MNS1: variants seen among roughly 807,000 people sequenced by gnomAD.
The protein encoded by MNS1 is meiosis specific nuclear structural 1.
A neutral mutation model predicts 72.0 loss-of-function variants in MNS1; 63 were observed. That is an observed-to-expected ratio of 0.87 (90% CI 0.71 to 1.08). The LOEUF is 1.08. Ranked by LOEUF, MNS1 falls within the 50% of genes least tolerant of loss-of-function variation. The probability of loss-of-function intolerance (pLI) is 0.00; values close to 1 mark genes in which losing one functional copy is unlikely to be tolerated. For synonymous variants in MNS1, 188 were observed against 172.1 expected (o/e 1.09, Z -0.72); for missense variants, 604 against 562.4 (o/e 1.07, Z -0.75).
chr15:56,458,396 G>A (rs1483828632), intron 2 of MNS1, among the ~76,000 whole-genome samples: 2 of 152,068 alleles, frequency 1.3e-5, no homozygotes, highest in African/African-American at 4.8e-5. Flanking sequence ...CCTTCTATCA[G>A]CCTCCTCCAT....
At chr15:56,462,394 C>G (rs748480489) in intron 2 of MNS1, among the ~76,000 whole-genome samples, 1 of 152,138 alleles carries the variant, frequency 6.6e-6, no homozygotes, top group Non-Finnish European at 1.5e-5. Context: ...CTCATGTGTT[C>G]CCTGTTGTGA....
At chr15:56,448,918 T>C (rs1281469943) in intron 3 of MNS1, among the ~76,000 whole-genome samples, 2 of 151,980 alleles carry the variant, frequency 1.3e-5, no homozygotes, top group African/African-American at 4.8e-5. Flanking sequence ...CATGCCCGGT[T>C]AATTTTTTGT....
chr15:56,464,706 A>C (rs1292805942), intron 1 of MNS1, among the ~76,000 whole-genome samples: 1 of 152,038 alleles, frequency 6.6e-6, no homozygotes, highest in African/African-American at 2.4e-5. Flanking sequence ...TTTCTCCTAC[A>C]CTTTTATATC....
intron 8 of MNS1, among the ~76,000 whole-genome samples, chr15:56,431,728 A>G (rs1489465678): frequency 6.6e-6 from 1 of 152,036 alleles, no homozygotes. Flanking sequence ...GAGGCAAACA[A>G]ATATTTTCAG....
intron 9 of MNS1, chr15:56,430,034 T>A (rs2050531437): frequency 1.3e-5 from 2 of 152,218 alleles, no homozygotes; most frequent in South Asian, 4.1e-4. Context: ...TCAAGTCCTG[T>A]GGCCAGGCAG....
intron 3 of MNS1, among the ~76,000 whole-genome samples, chr15:56,454,876 G>A (rs1381766955): frequency 1.3e-5 from 2 of 151,996 alleles, no homozygotes; most frequent in African/African-American, 4.8e-5. Flanking sequence ...CCCTTAATCT[G>A]TGTCTAATAA....
At chr15:56,436,830 C>A (rs564280654) in intron 7 of MNS1, among the ~76,000 whole-genome samples, 1 of 152,092 alleles carries the variant, frequency 6.6e-6, no homozygotes, top group African/African-American at 2.4e-5. Context: ...AACACCTCTA[C>A]GCAAATAAAC....
Position 56,431,355 on chromosome 15 carries a change from G to T in MNS1, c.1395+18C>A, listed in dbSNP as rs760539416. The T allele has an allele frequency of 1.2e-6, 2 of 1,607,448 alleles. No homozygotes were observed. Among genetic ancestry groups the T allele is most frequent in the African/African-American group, 1.3e-5 (1 of 74,534 alleles). On this transcript the variant is annotated intron_variant, in intron 9 of 9. Coordinates refer to ENST00000260453, the MANE Select transcript of MNS1 (RefSeq NM_018365.4). ...TTACAGGTCATGAAGATTACAACTT[G>T]AGATAAATCTCACTTACTTTAGGGA...
At chr15:56,453,635 T>C (rs1406390651) in intron 3 of MNS1, among the ~76,000 whole-genome samples, 2 of 152,196 alleles carry the variant, frequency 1.3e-5, no homozygotes, top group African/African-American at 4.8e-5. Context: ...TACATTTAGT[T>C]AATTGGGCAA....
At chr15:56,451,410 T>C (rs748867385) in intron 3 of MNS1, among the ~76,000 whole-genome samples, 35 of 152,308 alleles carry the variant, frequency 2.3e-4, no homozygotes, top group Non-Finnish European at 5.0e-4. Context: ...TGTTTCAGCA[T>C]TTGCTTGATT....
At chr15:56,455,913 G>C (rs1477695368) in intron 3 of MNS1, among the ~76,000 whole-genome samples, 1 of 152,134 alleles carries the variant, frequency 6.6e-6, no homozygotes, top group African/African-American at 2.4e-5. Context: ...GACATCTAAA[G>C]AAGACAGATG....
Position 56,431,406 on chromosome 15 carries a change from C to G in MNS1, c.1362G>C (p.Glu454Asp). The part of the protein sequence containing the change: ...IEEERLKLLK[E>D]HATNLLGYLP... ...GATAGCCTAGTAAGTTTGTAGCATG[C>G]TCTTTAAGAAGTTTTAGCCTTTCTT... Residue 454 changes from glutamate to aspartate, a missense_variant, in exon 9 of 10, where the codon GAG becomes GAC. Transcript: ENST00000260453. 6.2e-7 allele frequency: 1 copy of G among 1,613,324 alleles called. No homozygotes were observed. Among genetic ancestry groups the G allele is most frequent in the Non-Finnish European group, 8.5e-7 (1 of 1,179,824 alleles).
chr15:56,447,046 A>G (rs2050910585), intron 3 of MNS1, 103 bp from the exon 4 acceptor site: 4 of 739,062 alleles, frequency 5.4e-6, no homozygotes, highest in Non-Finnish European at 8.9e-6. Context: ...CAAAGAGGGA[A>G]TACAGCGGGT....
intron 2 of MNS1, among the ~76,000 whole-genome samples, chr15:56,457,815 TAA>T (rs1350685968): frequency 2.1e-5 from 3 of 140,676 alleles, no homozygotes; most frequent in Non-Finnish European, 1.6e-5. Flanking sequence ...CCCTGTCTCT[TAA>T]AAAAAAAAAA....
At chr15:56,443,338 TG>T in intron 7 of MNS1, 91 bp downstream of exon 7, 1 of 896,166 alleles carries the variant, frequency 1.1e-6, no homozygotes, top group Non-Finnish European at 1.6e-6. Context: ...ATTACCAGTA[TG>T]GTTGGATTTA....
intron 7 of MNS1, among the ~76,000 whole-genome samples, chr15:56,436,525 C>A (rs142629574): frequency 0.073 from 11,052 of 151,862 alleles, 1,378 homozygotes; most frequent in African/African-American, 0.25. Context: ...AAATTGACAC[C>A]CTAACATCAC....
At chr15:56,459,854 G>T (rs907866140) in intron 2 of MNS1, among the ~76,000 whole-genome samples, 1 of 150,526 alleles carries the variant, frequency 6.6e-6, no homozygotes, top group Non-Finnish European at 1.5e-5. Context: ...GCTGGGTGTG[G>T]TGGTGCATGC....
Position 56,443,697 on chromosome 15 carries a change from C to T in MNS1, c.844G>A (p.Glu282Lys). ...EFANMQQQRE[E>K]DRMAKVQENE... ...TCTTGAACTTTTGCCATCCGATCTT[C>T]TTCTCTTTGCTGCTGCATGTTAGCA... is the stretch of plus-strand genomic sequence containing the variant. The change falls in exon 6 of 10, where the codon GAA (glutamate) becomes AAA (lysine). Residue 282 changes from glutamate to lysine, a missense_variant. By Grantham distance (56) the Glu-to-Lys change is moderately conservative. Transcript: ENST00000260453. The T allele has an allele frequency of 6.2e-7, 1 of 1,613,398 alleles. No homozygotes were observed. Among genetic ancestry groups the T allele is most frequent in the Non-Finnish European group, 8.5e-7 (1 of 1,179,740 alleles).
rs17238740 is a variant in MNS1, at chr15:56,446,865, C to T, written c.432G>A (p.Lys144=). ...CCATTTGTTCATATTTAATGGCATC[C>T]TTTTCAGCAATCTGAGCTGCCCTTT... The part of the protein sequence containing the change: ...NKERAAQIAE[K]DAIKYEQMKR... Residue 144 remains lysine, a synonymous_variant, in exon 4 of 10, where the codon AAG becomes AAA. Coordinates refer to ENST00000260453, the MANE Select transcript of MNS1 (RefSeq NM_018365.4). 0.051 allele frequency: 82,087 copies of T among 1,608,758 alleles called. 2,632 individuals are homozygous for T. The highest frequency in any genetic ancestry group is 0.12 in the Admixed American group (7,123 of 59,878).
Sources: allele counts gnomAD v4.1 joint callset (sites outside exome capture counted in the v4.1 genomes callset), GRCh38; gene constraint gnomAD v4.1.1; transcripts MANE v1.5; gene names NCBI Gene and HGNC (gene_info 2026-07-23, HGNC 2026-07-21).